GLT8D2: variants seen among roughly 807,000 people sequenced by gnomAD.
GLT8D2 encodes the protein glycosyltransferase 8 domain-containing protein 2.
In GLT8D2, 45 loss-of-function variants were observed where a neutral mutation model predicts 44.5. The ratio of observed to expected loss-of-function variants is 1.01; its 90% confidence interval spans 0.80 to 1.30. GLT8D2 has a LOEUF of 1.30. Ranked by LOEUF, GLT8D2 falls within the 50% of genes most tolerant of loss-of-function variation. The probability of loss-of-function intolerance (pLI) is 0.00; values close to 1 mark genes in which losing one functional copy is unlikely to be tolerated. For missense variants in GLT8D2, 400 were observed against 430.4 expected, an observed-to-expected ratio of 0.93 and a Z score of 0.62; for synonymous variants, 156 against 157.2, an observed-to-expected ratio of 0.99 and a Z score of 0.06.
intron 5 of GLT8D2, among the ~76,000 whole-genome samples, chr12:104,002,153 G>T (rs902086482): frequency 6.6e-6 from 1 of 152,128 alleles, no homozygotes; most frequent in African/African-American, 2.4e-5. Flanking sequence ...AGAGACAGAG[G>T]TCTTGTTATG....
At chr12:104,024,488 C>T (rs1397118747) in intron 1 of GLT8D2, among the ~76,000 whole-genome samples, 1 of 152,096 alleles carries the variant, frequency 6.6e-6, no homozygotes, top group African/African-American at 2.4e-5. Flanking sequence ...TGAGTGGAAA[C>T]ATTTTCATTT....
intron 1 of GLT8D2, among the ~76,000 whole-genome samples, chr12:104,035,198 C>G (rs980261227): frequency 3.3e-5 from 5 of 152,192 alleles, no homozygotes; most frequent in Non-Finnish European, 5.9e-5. Flanking sequence ...GATAAAATCA[C>G]AAAGATGGGG....
At chr12:103,994,173 T>A (rs1330592786) in intron 9 of GLT8D2, 162 bp downstream of exon 9, 1 of 548,146 alleles carries the variant, frequency 1.8e-6, no homozygotes, top group Non-Finnish European at 3.1e-6. Flanking sequence ...TGAGGAAAGG[T>A]TTTAATTGAC....
At chr12:104,054,100 C>T (rs1055943711), upstream of GLT8D2, among the ~76,000 whole-genome samples, 1 of 152,080 alleles carries the variant, frequency 6.6e-6, no homozygotes, top group South Asian at 2.1e-4. Flanking sequence ...CCATTTTCTA[C>T]ACTAGATCCC....
chr12:104,038,261 T>G (rs1021990847), intron 1 of GLT8D2, among the ~76,000 whole-genome samples: 2 of 152,058 alleles, frequency 1.3e-5, no homozygotes, highest in African/African-American at 4.8e-5. Context: ...CTCTCACCAC[T>G]CCTATTCAAC....
intron 1 of GLT8D2, among the ~76,000 whole-genome samples, chr12:104,047,036 C>G (rs1438030913): frequency 6.6e-6 from 1 of 152,060 alleles, no homozygotes; most frequent in Admixed American, 6.6e-5. Context: ...GCTATGTTGC[C>G]TAGTCTGGTT....
At chr12:103,990,681 T>C (rs769050073) in intron 10 of GLT8D2, among the ~76,000 whole-genome samples, 2 of 152,230 alleles carry the variant, frequency 1.3e-5, no homozygotes, top group African/African-American at 2.4e-5. Context: ...CTTCTGTTAC[T>C]AATAAACATA....
Position 103,997,455 on chromosome 12 carries a change from T to C in GLT8D2, c.483A>G (p.Val161=), listed in dbSNP as rs773638982. ...KVIYLDDDVI[V]QGDIQELYDT... is the part of the protein sequence containing the mutation. ...CTTGGCAGTTAGCGAGAGTACCTTGTACAATTACATCATCGTCCAAATAGA... is the reference window on the plus strand; with the variant it reads ...CTTGGCAGTTAGCGAGAGTACCTTGCACAATTACATCATCGTCCAAATAGA... Residue 161 remains valine (V), a synonymous_variant, in exon 7 of 11, where the codon GTA becomes GTG. Coordinates refer to ENST00000360814, the MANE Select transcript of GLT8D2 (RefSeq NM_001384711.1). The C allele has an allele frequency of 1.9e-6, 3 of 1,608,230 alleles. No individual in the cohort carries two copies. Among genetic ancestry groups the C allele is most frequent in the East Asian group, 4.5e-5 (2 of 44,876 alleles).
chr12:104,007,267 C>CTCTCCAA (rs1487433634), intron 4 of GLT8D2, among the ~76,000 whole-genome samples: 2 of 13,686 alleles, frequency 1.5e-4, no homozygotes, highest in Non-Finnish European at 3.8e-4. Context: ...TCTCTCTCTC[C>CTCTCCAA]CCCCGCTCTC....
chr12:104,056,781 G>A (rs1254894874), intron 1 of GLT8D2, among the ~76,000 whole-genome samples: 3 of 152,210 alleles, frequency 2.0e-5, no homozygotes, highest in Non-Finnish European at 4.4e-5. Context: ...AATAACAGAT[G>A]CACGCCATGG....
intron 1 of GLT8D2, among the ~76,000 whole-genome samples, chr12:104,035,780 C>G (rs1049403840): frequency 8.5e-5 from 13 of 152,256 alleles, no homozygotes; most frequent in Middle Eastern, 3.4e-3. Flanking sequence ...CCCAACCTAG[C>G]AAGGCAGGCC....
rs1593565035 is a variant in GLT8D2 at position 104,038,067 on chromosome 12, A to C, written c.-164+11828T>G. 2.0e-5 allele frequency among the ~76,000 whole-genome samples: 3 copies of C among 152,372 alleles called. No homozygotes were observed. The South Asian group carries it at 6.2e-4, about 32-fold the overall frequency. ...ACCACATGATTATTTCAATAGATGC[A>C]GAAAAGGCCTTCCACAAAATTCAAC... On this transcript the variant is annotated intron_variant, in intron 1 of 10. Transcript: ENST00000360814.
intron 3 of GLT8D2, 124 bp from the exon 4 acceptor site, chr12:104,015,229 C>G: frequency 7.5e-6 from 5 of 668,822 alleles, no homozygotes; most frequent in Non-Finnish European, 1.3e-5. Flanking sequence ...TGAGACCTTT[C>G]TATAAGCAGA....
In GLT8D2 at chr12:104,050,045, C is replaced by A. The variant is rs562672300; in HGVS notation, c.-314G>T. 2 of 152,400 alleles carry A rather than the reference C, an allele frequency of 1.3e-5. No homozygotes were observed. Among genetic ancestry groups the A allele is most frequent in the Admixed American group, 1.3e-4 (2 of 15,312 alleles). The allele number at this position is 152,400 out of a possible 1,614,324, so 9.4% of individuals were successfully genotyped here. A position where few individuals can be genotyped will look rare whatever the true frequency, so the allele number is the denominator to read the frequency against. Reference sequence around the variant, plus strand: ...TTGGAAGTCCCAAAGGGCTGGAGAGCCCCAAGGCCAATATTACGTTTCCAA... The same window carrying A: ...TTGGAAGTCCCAAAGGGCTGGAGAGACCCAAGGCCAATATTACGTTTCCAA... On this transcript the variant is annotated 5_prime_UTR_variant, in exon 1 of 11. Coordinates refer to ENST00000360814, the MANE Select transcript of GLT8D2 (RefSeq NM_001384711.1).
At chr12:103,995,764 G>C (rs2136276238) in intron 8 of GLT8D2, among the ~76,000 whole-genome samples, 1 of 152,282 alleles carries the variant, frequency 6.6e-6, no homozygotes, top group South Asian at 2.1e-4. Context: ...CATATAGACT[G>C]TTATCATCTA....
At chr12:104,040,528 C>T (rs543691523) in intron 1 of GLT8D2, among the ~76,000 whole-genome samples, 15 of 152,126 alleles carry the variant, frequency 9.9e-5, no homozygotes, top group Admixed American at 4.6e-4. Context: ...CGGGTTTACG[C>T]GATTCTCCTG....
chr12:104,063,082 C>G (rs182571092), intron 1 of GLT8D2, among the ~76,000 whole-genome samples: 52 of 152,260 alleles, frequency 3.4e-4, no homozygotes, highest in Non-Finnish European at 1.6e-4. Context: ...GCCCCCATCC[C>G]CTTGCCAAGT....
At chr12:104,009,358 G>C (rs1875518979) in intron 4 of GLT8D2, among the ~76,000 whole-genome samples, 1 of 152,214 alleles carries the variant, frequency 6.6e-6, no homozygotes, top group South Asian at 2.1e-4. Flanking sequence ...CTGGATTTTG[G>C]ACAAGCACAG....
At chr12:104,014,305 C>T (rs998193456) in intron 4 of GLT8D2, 2 of 700,422 alleles carry the variant, frequency 2.9e-6, no homozygotes, top group Non-Finnish European at 5.2e-6. Context: ...CAGGGAGCTG[C>T]TATTGTGCCA....
Sources: gnomAD v4.1 joint callset for allele counts (sites outside exome capture counted in the v4.1 genomes callset) on GRCh38, gnomAD v4.1.1 for gene constraint, MANE v1.5 for transcripts, NCBI Gene and HGNC (gene_info 2026-07-23, HGNC 2026-07-21) for gene names.